The following HDX variants were observed in gnomAD, a reference collection of about 807,000 sequenced individuals.
The protein encoded by HDX is chromosome X open reading frame 43.
A neutral mutation model predicts 45.2 loss-of-function variants in HDX; 19 were observed. The ratio of observed to expected loss-of-function variants is 0.42; its 90% confidence interval spans 0.29 to 0.62. The LOEUF is 0.62. HDX is among the 20% of genes least tolerant of loss of function. The probability of loss-of-function intolerance (pLI) is 0.20; values close to 1 mark genes in which losing one functional copy is unlikely to be tolerated. For missense variants in HDX, 532 were observed against 493.9 expected, an observed-to-expected ratio of 1.08 and a Z score of -0.73; for synonymous variants, 188 against 172.8, an observed-to-expected ratio of 1.09 and a Z score of -0.69.
Position 84,361,453 on chromosome X carries a change from G to T in HDX, c.1452+13C>A, listed in dbSNP as rs1003691832. ...CAGCAACTATAGCATGAAAATTATAGAAAATGTCTTACCCGAACTATTTCA... is the reference window on the plus strand; with the variant it reads ...CAGCAACTATAGCATGAAAATTATATAAAATGTCTTACCCGAACTATTTCA... On this transcript the variant is annotated intron_variant, in intron 6 of 10. Coordinates refer to ENST00000373177, the MANE Select transcript of HDX (RefSeq NM_001177479.2). 3.3e-6 allele frequency: 4 copies of T among 1,197,889 alleles called. No homozygotes were observed. In the Admixed American group the frequency reaches 8.8e-5, roughly 26 times the overall value.
intron 9 of HDX, among the ~76,000 whole-genome samples, chrX:84,327,308 G>T (rs2036734903): frequency 9.0e-6 from 1 of 111,620 alleles, no homozygotes; most frequent in Admixed American, 9.6e-5. Flanking sequence ...TTATTATACT[G>T]GTAATCCCTG....
At chrX:84,458,413 G>A (rs990154583) in intron 4 of HDX, among the ~76,000 whole-genome samples, 1 of 111,696 alleles carries the variant, frequency 9.0e-6, no homozygotes, top group Non-Finnish European at 1.9e-5. Flanking sequence ...CATTAAAACC[G>A]GTTGTTTGAA....
rs748483432 is a variant in HDX, at chrX:84,375,925, G to C, written c.1306-14313C>G. On this transcript the variant is annotated intron_variant, in intron 5 of 10. Transcript: ENST00000373177. ...TAAAATAAAAAATACAAATTGAAAAGTGAAAAGTGTATTTGAATCACTTCA... is the reference window on the plus strand; with the variant it reads ...TAAAATAAAAAATACAAATTGAAAACTGAAAAGTGTATTTGAATCACTTCA... Among the ~76,000 whole-genome samples the C allele has an allele frequency of 3.6e-5, 4 of 112,331 alleles. No individual in the cohort carries two copies. In the East Asian group the frequency reaches 1.1e-3, roughly 31 times the overall value.
chrX:84,465,509 T>C (rs1264637633), intron 4 of HDX, among the ~76,000 whole-genome samples: 1 of 112,366 alleles, frequency 8.9e-6, no homozygotes, highest in African/African-American at 3.2e-5. Flanking sequence ...GATGAGTTTA[T>C]GTCCTTTGCA....
intron 5 of HDX, among the ~76,000 whole-genome samples, chrX:84,362,619 A>G (rs1047501091): frequency 9.0e-6 from 1 of 110,681 alleles, no homozygotes; most frequent in Non-Finnish European, 1.9e-5. Context: ...TGAATCTGGG[A>G]CAACTGTTGC....
chrX:84,475,063 G>C (rs763664434), intron 3 of HDX, among the ~76,000 whole-genome samples, 188 bp downstream of exon 3: 1 of 111,645 alleles, frequency 9.0e-6, no homozygotes, highest in South Asian at 3.7e-4. Context: ...TGTGTTCAAG[G>C]TATTTATAGA....
intron 5 of HDX, among the ~76,000 whole-genome samples, chrX:84,417,218 G>A (rs201738624): frequency 1.0e-5 from 1 of 100,247 alleles, no homozygotes; most frequent in African/African-American, 3.7e-5. Flanking sequence ...AAAAAAAAGA[G>A]AGAAAGAAAG....
intron 5 of HDX, among the ~76,000 whole-genome samples, chrX:84,397,897 C>T (rs185665866): frequency 2.7e-5 from 3 of 110,874 alleles, no homozygotes; most frequent in Non-Finnish European, 3.8e-5. Context: ...AAATGTAGAA[C>T]CTGAAAGATG....
intron 4 of HDX, among the ~76,000 whole-genome samples, chrX:84,453,225 C>CCA (rs1569351677): frequency 9.0e-6 from 1 of 111,677 alleles, no homozygotes; most frequent in African/African-American, 3.3e-5. Flanking sequence ...GAAGAATGAT[C>CCA]CACACACACA....
chrX:84,398,111 T>TAC lies in HDX; in HGVS notation c.1306-36501_1306-36500dup, dbSNP rs750276624. Among the ~76,000 whole-genome samples the TAC allele has an allele frequency of 4.3e-4, 47 of 109,348 alleles. No individual in the cohort carries two copies. The Middle Eastern group carries it at 0.014, about 33-fold the overall frequency. 95.0% of individuals were successfully genotyped at this position (109,348 alleles called of 115,157 possible). ...TAGTATGTGTGTATGTATATATATA[T>TAC]ACACACACACACATATATATATATA... On this transcript the variant is annotated intron_variant, in intron 5 of 10. Coordinates refer to ENST00000373177, the MANE Select transcript of HDX (RefSeq NM_001177479.2).
chrX:84,430,803 T>C (rs994475842), intron 5 of HDX, among the ~76,000 whole-genome samples: 1 of 108,292 alleles, frequency 9.2e-6, no homozygotes, highest in African/African-American at 3.5e-5. Context: ...CATATACTTG[T>C]TGATGATTTC....
rs775777980 is a variant in HDX, at chrX:84,450,211, T to G, written c.1252-9626A>C. Among the ~76,000 whole-genome samples the G allele has an allele frequency of 4.5e-5, 5 of 111,500 alleles. No homozygotes were observed. The East Asian group carries it at 1.4e-3, about 31-fold the overall frequency. ...TATCAATTATGATTTTGAATATAAA[T>G]GAATTAAACTTTCCACTTAAAATAT... On this transcript the variant is annotated intron_variant, in intron 4 of 10. Transcript: ENST00000373177.
chrX:84,492,911 CTTTT>C (rs11390246), intron 1 of HDX, among the ~76,000 whole-genome samples: 1 of 96,625 alleles, frequency 1.0e-5, no homozygotes, highest in Non-Finnish European at 2.1e-5. Flanking sequence ...TTACAAAAAG[CTTTT>C]TTTTTTTTTT....
At chrX:84,331,629 A>C (rs1255317805) in intron 9 of HDX, among the ~76,000 whole-genome samples, 1 of 111,635 alleles carries the variant, frequency 9.0e-6, no homozygotes, top group African/African-American at 3.3e-5. Flanking sequence ...TTCAGTCAAC[A>C]ATGTGCCACA....
Position 84,344,163 on chromosome X carries a change from G to T in HDX, c.1660+87C>A, listed in dbSNP as rs1046445461. 8.4e-6 allele frequency: 6 copies of T among 713,340 alleles called. No individual in the cohort carries two copies. The East Asian group carries it at 1.6e-4, about 19-fold the overall frequency. The allele number at this position is 713,340 out of a possible 1,213,427, so 58.8% of individuals were successfully genotyped here. A position where few individuals can be genotyped will look rare whatever the true frequency, so the allele number is the denominator to read the frequency against. On this transcript the variant is annotated intron_variant, in intron 7 of 10. Coordinates refer to ENST00000373177, the MANE Select transcript of HDX (RefSeq NM_001177479.2). ...TTGGCCAAATGTTTTGAAGACTCTA[G>T]ACTTGAAATGCAGTAAACTGAAAAT...
intron 5 of HDX, among the ~76,000 whole-genome samples, chrX:84,416,190 C>T (rs924130505): frequency 1.8e-5 from 2 of 111,619 alleles, no homozygotes; most frequent in Non-Finnish European, 3.8e-5. Flanking sequence ...GTACCCTCCC[C>T]TAAATCACCC....
chrX:84,352,032 C>G (rs1260661538), intron 6 of HDX, among the ~76,000 whole-genome samples: 1 of 111,962 alleles, frequency 8.9e-6, no homozygotes, highest in East Asian at 2.8e-4. Context: ...AGACTTTCAG[C>G]TGTAAATTTG....
chrX:84,487,579 T>G (rs1188409557), intron 2 of HDX, among the ~76,000 whole-genome samples: 1 of 112,187 alleles, frequency 8.9e-6, no homozygotes, highest in East Asian at 2.8e-4. Flanking sequence ...ATGTCAATTC[T>G]ATTTCCAAAG....
chrX:84,421,974 C>T (rs1295637759), intron 5 of HDX, among the ~76,000 whole-genome samples: 1 of 106,992 alleles, frequency 9.3e-6, no homozygotes, highest in East Asian at 2.9e-4. Context: ...CTTTAACAAA[C>T]AACTGTCAAC....
Sources: gnomAD v4.1 joint callset for allele counts (sites outside exome capture counted in the v4.1 genomes callset) on GRCh38, gnomAD v4.1.1 for gene constraint, MANE v1.5 for transcripts, NCBI Gene and HGNC (gene_info 2026-07-23, HGNC 2026-07-21) for gene names.